Variants in CUBN observed in about 807,000 individuals in gnomAD.
CUBN encodes cubilin.
Under a neutral mutation model 405.3 loss-of-function variants are expected in CUBN, and 282 were observed. The observed-to-expected ratio is 0.70, with a 90% CI of 0.63 to 0.77. The LOEUF (loss-of-function observed/expected upper bound fraction) is 0.77, where lower values mean the gene tolerates loss of function less well. CUBN is among the 30% of genes least tolerant of loss of function. The probability of loss-of-function intolerance (pLI) is 0.00; values close to 1 mark genes in which losing one functional copy is unlikely to be tolerated. For missense variants in CUBN, 4,514 were observed against 4,475.2 expected (o/e 1.01, Z -0.25); for synonymous variants, 1,684 against 1,617.0 (o/e 1.04, Z -0.99).
At chr10:16,982,779 A>T in intron 30 of CUBN, 126 bp from the exon 31 acceptor site, 1 of 859,708 alleles carries the variant, frequency 1.2e-6, no homozygotes, top group Non-Finnish European at 1.9e-6. Flanking sequence ...AAAAACACTG[A>T]AGAATTTGAT....
chr10:16,924,276 GA>G (rs1196168255), intron 43 of CUBN, among the ~76,000 whole-genome samples: 4 of 152,126 alleles, frequency 2.6e-5, no homozygotes, highest in Non-Finnish European at 5.9e-5. Flanking sequence ...TCCCAGCTTA[GA>G]AAGCAATGGC....
At position 16,938,959 on chromosome 10, in the gene CUBN, T is replaced by G; in HGVS notation, c.5733+4A>C. On this transcript the variant is annotated splice_donor_region_variant and intron_variant, in intron 38 of 66. Coordinates refer to ENST00000377833, the MANE Select transcript of CUBN (RefSeq NM_001081.4). ...ATGAACATTGATTGCATGTGGAAAC[T>G]CACCCTTAATTTGTCATAATAGCAG... The G allele has an allele frequency of 6.2e-7, 1 of 1,610,534 alleles. No homozygotes were observed. Among genetic ancestry groups the G allele is most frequent in the Non-Finnish European group, 8.5e-7 (1 of 1,177,310 alleles).
At chr10:17,083,361 C>T (rs183463529) in intron 17 of CUBN, among the ~76,000 whole-genome samples, 3 of 151,928 alleles carry the variant, frequency 2.0e-5, no homozygotes, top group East Asian at 1.9e-4. Flanking sequence ...CAAAATTAGC[C>T]GGGCGTGGTG....
intron 45 of CUBN, among the ~76,000 whole-genome samples, chr10:16,916,336 T>C (rs1446660988): frequency 6.6e-6 from 1 of 152,232 alleles, no homozygotes; most frequent in African/African-American, 2.4e-5. Flanking sequence ...ATGTAAGAGC[T>C]AATAGTCGCA....
In CUBN at chr10:16,888,452, A is replaced by G. The variant is rs765804088; in HGVS notation, c.8870T>C (p.Val2957Ala). 4 of 1,613,588 alleles carry G rather than the reference A, an allele frequency of 2.5e-6. No homozygotes were observed. The highest frequency in any genetic ancestry group is 1.7e-4 in the Middle Eastern group (1 of 6,056). The change falls in exon 56 of 67, where the codon GTG becomes GCG. Residue 2957 changes from valine to alanine, a missense_variant. By Grantham distance (64) the Val-to-Ala change is moderately conservative (BLOSUM62 0). Around this residue, in one of 5 missense-constraint regions of CUBN, gnomAD observed 1,186 missense variants for 1,186.9 expected, o/e 1.00. Coordinates refer to ENST00000377833, the MANE Select transcript of CUBN (RefSeq NM_001081.4). The part of the protein sequence containing the change: ...TYVIEANPLS[V>A]VLLTFVSFHL... ...GAAGGACACAAAAGTCAAGAGGACC[A>G]CTGACAGAGGATTAGCCTCTATGAC...
At chr10:16,997,533 T>C (rs1833769749) in intron 28 of CUBN, among the ~76,000 whole-genome samples, 1 of 151,392 alleles carries the variant, frequency 6.6e-6, no homozygotes, top group Non-Finnish European at 1.5e-5. Context: ...TGTGAATTGG[T>C]AACTAAGAGC....
chr10:16,858,597 C>T (rs1271418986), intron 59 of CUBN, among the ~76,000 whole-genome samples: 1 of 152,212 alleles, frequency 6.6e-6, no homozygotes, highest in Non-Finnish European at 1.5e-5. Flanking sequence ...TCCGGGATTA[C>T]AGGCATGAGA....
chr10:16,851,138 C>G, intron 60 of CUBN, 97 bp downstream of exon 60: 1 of 1,032,654 alleles, frequency 9.7e-7, no homozygotes, highest in Non-Finnish European at 1.5e-6. Flanking sequence ...CACCTGTACT[C>G]AAAATTAGCA....
intron 66 of CUBN, among the ~76,000 whole-genome samples, chr10:16,826,914 G>A (rs1221415463): frequency 6.6e-6 from 1 of 152,128 alleles, no homozygotes; most frequent in African/African-American, 2.4e-5. Flanking sequence ...TCATGGTATT[G>A]TTAAAATTGC....
rs1801239 is a variant in CUBN at position 16,877,053 on chromosome 10, T to C, written c.8950A>G (p.Ile2984Val). The part of the protein sequence containing the change: ...TGSCVNDGVH[I>V]IRGYSVMSTP... ...GACATGACGCTGTAACCTCTGATAA[T>C]GTGCACGCCATCGTTGACACAGCTT... The change falls in exon 57 of 67, where the codon ATT becomes GTT. Residue 2984 changes from isoleucine (I) to valine (V), a missense_variant. Physicochemically the swap from Ile to Val is conservative, Grantham distance 29. Coordinates refer to ENST00000377833, the MANE Select transcript of CUBN (RefSeq NM_001081.4). The C allele has an allele frequency of 0.097, 157,098 of 1,613,908 alleles. 8,352 individuals carry two copies. The highest frequency in any genetic ancestry group is 0.13 in the South Asian group (12,056 of 91,074).
chr10:17,000,729 G>C (rs565733702), intron 28 of CUBN, among the ~76,000 whole-genome samples: 11 of 152,338 alleles, frequency 7.2e-5, no homozygotes, highest in African/African-American at 2.4e-4. Context: ...CACACACTGA[G>C]TTTTGTGTTC....
At chr10:16,940,820 A>T (rs1842631820) in intron 36 of CUBN, among the ~76,000 whole-genome samples, 1 of 152,174 alleles carries the variant, frequency 6.6e-6, no homozygotes, top group African/African-American at 2.4e-5. Context: ...AAACCATTAA[A>T]ACATGTAACT....
chr10:16,978,978 G>A (rs1833181504), intron 31 of CUBN, among the ~76,000 whole-genome samples: 1 of 151,986 alleles, frequency 6.6e-6, no homozygotes, highest in Non-Finnish European at 1.5e-5. Context: ...CTGAGACAGA[G>A]GCAACTTCAG....
chr10:16,992,675 C>T (rs1346127877), intron 28 of CUBN, among the ~76,000 whole-genome samples: 1 of 152,206 alleles, frequency 6.6e-6, no homozygotes, highest in Non-Finnish European at 1.5e-5. Context: ...GACTCTAGCT[C>T]AAAGCACTAC....
At chr10:16,840,668 G>T (rs1401730975) in intron 61 of CUBN, 133 bp from the exon 62 acceptor site, 3 of 907,724 alleles carry the variant, frequency 3.3e-6, no homozygotes, top group African/African-American at 1.7e-5. Context: ...AGAATTCAGG[G>T]TTTATATCCT....
intron 48 of CUBN, among the ~76,000 whole-genome samples, chr10:16,908,543 G>C (rs1358110264): frequency 1.3e-5 from 2 of 152,108 alleles, no homozygotes. Flanking sequence ...TGGATTCAAA[G>C]CTTCAATTTT....
chr10:17,084,454 C>T lies in CUBN; in HGVS notation c.2118G>A (p.Leu706=). The change falls in exon 17 of 67, where the codon CTG becomes CTA. Residue 706 remains leucine, a synonymous_variant. Transcript: ENST00000377833. ...HITYLTSPSD[L]RCGGNYTDPE... The stretch of plus-strand genomic sequence containing the variant: ...GGTCCGTGTAGTTCCCACCACAACG[C>T]AGATCCGCTAAGAACAGGGAAGAGA... The T allele has an allele frequency of 6.2e-7, 1 of 1,613,164 alleles. No homozygotes were observed. The highest frequency in any genetic ancestry group is 1.3e-5 in the African/African-American group (1 of 75,008).
In CUBN at chr10:16,954,389, C is replaced by G. The variant is rs1588515848; in HGVS notation, c.4855G>C (p.Ala1619Pro). 1 of 1,614,112 alleles carries G rather than the reference C, an allele frequency of 6.2e-7. No homozygotes were observed. Among genetic ancestry groups the G allele is most frequent in the African/African-American group, 1.3e-5 (1 of 75,042 alleles). ...NRGFRAQFRQACGGHILTSSF... is the reference protein window; with the variant it reads ...NRGFRAQFRQPCGGHILTSSF... ...CTGGGAAGATCCACAGGGTACTTGC[C>G]TTGCCTGAATTGAGCTCGGAAGCCT... The change falls in exon 32 of 67, where the codon GCC becomes CCC. Residue 1619 changes from alanine (A) to proline (P), a missense_variant and splice_region_variant. Ala to Pro is a conservative substitution (Grantham distance 27). Transcript: ENST00000377833.
At chr10:17,025,152 A>T (rs1404062685) in intron 27 of CUBN, among the ~76,000 whole-genome samples, 2 of 152,106 alleles carry the variant, frequency 1.3e-5, no homozygotes, top group Non-Finnish European at 2.9e-5. Flanking sequence ...CTGTGAGGAG[A>T]AATTTTGGGT....
Sources: allele counts gnomAD v4.1 joint callset (sites outside exome capture counted in the v4.1 genomes callset), GRCh38; gene constraint gnomAD v4.1.1; regional missense constraint gnomAD v4.1.1; transcripts MANE v1.5; gene names NCBI Gene and HGNC (gene_info 2026-07-23, HGNC 2026-07-21).